PLXDC1: variants seen among roughly 807,000 people sequenced by gnomAD.
The protein encoded by PLXDC1 is plexin domain containing 1.
PLXDC1 carries 39 observed loss-of-function variants against 61.3 expected under a neutral mutation model. That is an observed-to-expected ratio of 0.64 (90% confidence interval 0.49 to 0.83). The LOEUF is 0.83. Ranked by LOEUF, PLXDC1 falls within the 40% of genes least tolerant of loss-of-function variation. The pLI is 0.00. For missense variants in PLXDC1, 596 were observed against 666.5 expected, an observed-to-expected ratio of 0.89 and a Z score of 1.17; for synonymous variants, 212 against 254.5, an observed-to-expected ratio of 0.83 and a Z score of 1.59.
intron 2 of PLXDC1, among the ~76,000 whole-genome samples, chr17:39,128,087 C>CTATGTA (rs1304464750): frequency 1.6e-4 from 11 of 67,248 alleles, no homozygotes; most frequent in African/African-American, 4.9e-4. Context: ...CTCTCTCTCT[C>CTATGTA]TCTCTATGTG....
Position 39,151,329 on chromosome 17 carries a change from C to A in PLXDC1, c.76+33G>T, listed in dbSNP as rs773277700. The A allele has an allele frequency of 1.6e-6, 2 of 1,264,978 alleles. No individual in the cohort carries two copies. The highest frequency in any genetic ancestry group is 2.9e-4 in the Middle Eastern group (1 of 3,452). The allele number at this position is 1,264,978 out of a possible 1,614,324, so 78.4% of individuals were successfully genotyped here. ...CTGACTGCCCGTCCCTCCCCGCCCC[C>A]GGCCCACCCGGGCCGGCTCCCGCCA... On this transcript the variant is annotated intron_variant, in intron 1 of 13. Transcript: ENST00000315392. The surrounding 1 kb of genome is among the most constrained non-coding windows in gnomAD (Gnocchi z 5.2).
At chr17:39,137,952 A>AT (rs934689994) in intron 2 of PLXDC1, among the ~76,000 whole-genome samples, 3 of 151,832 alleles carry the variant, frequency 2.0e-5, no homozygotes, top group Admixed American at 2.0e-4. Flanking sequence ...TTTCTTTTAT[A>AT]TTTTTTCGGA....
At chr17:39,129,620 G>A (rs1426549937) in intron 2 of PLXDC1, among the ~76,000 whole-genome samples, 1 of 135,228 alleles carries the variant, frequency 7.4e-6, no homozygotes, top group Non-Finnish European at 1.6e-5. Flanking sequence ...CTGTCAGAAA[G>A]AAAGAAAGAA....
rs200519422 is a variant in PLXDC1 at position 39,087,648 on chromosome 17, T to C, written c.866A>G (p.Lys289Arg). 2.0e-4 allele frequency: 315 copies of C among 1,614,020 alleles called. No homozygotes were observed. Among genetic ancestry groups the C allele is most frequent in the Non-Finnish European group, 2.5e-4 (294 of 1,180,010 alleles). The change falls in exon 8 of 14, where the codon AAG becomes AGG. Residue 289 changes from lysine to arginine, a missense_variant. Transcript: ENST00000315392. ...EYHRIELDPS[K>R]VTSMSAVEFT... ...CTCCACGGCCGACATGCTGGTGACC[T>C]TGCTGGGGTCCAGCTCTATGCGGTG...
chr17:39,113,707 TG>T (rs1268202643), intron 2 of PLXDC1, among the ~76,000 whole-genome samples: 2 of 151,924 alleles, frequency 1.3e-5, no homozygotes, highest in Non-Finnish European at 2.9e-5. Context: ...AACAATTCAC[TG>T]GGTATGGTGG....
chr17:39,091,803 T>TA (rs1399720306), intron 7 of PLXDC1, among the ~76,000 whole-genome samples: 26 of 151,612 alleles, frequency 1.7e-4, no homozygotes, highest in Non-Finnish European at 3.5e-4. Context: ...ACTAAAAATT[T>TA]AAAAAATTAG....
intron 2 of PLXDC1, among the ~76,000 whole-genome samples, chr17:39,118,084 C>CCCCT (rs1911041319): frequency 2.9e-5 from 3 of 101,810 alleles, no homozygotes; most frequent in African/African-American, 7.6e-5. Flanking sequence ...CTCCCTCCCT[C>CCCCT]CCTTCCTTCC....
chr17:39,141,422 A>G (rs1911930628), intron 1 of PLXDC1, among the ~76,000 whole-genome samples: 1 of 152,266 alleles, frequency 6.6e-6, no homozygotes. Flanking sequence ...TTCACTTAGC[A>G]TAATAAATTC....
intron 13 of PLXDC1, among the ~76,000 whole-genome samples, chr17:39,068,712 AC>A (rs1908994862): frequency 2.0e-5 from 3 of 152,314 alleles, no homozygotes; most frequent in African/African-American, 7.2e-5. Context: ...CCTGCCTTAG[AC>A]CTGCCCTATC....
At chr17:39,079,393 T>A (rs1381759834) in intron 9 of PLXDC1, 1 of 584,058 alleles carries the variant, frequency 1.7e-6, no homozygotes, top group Non-Finnish European at 3.2e-6. Context: ...CATCTGCCCA[T>A]GTGAGTAGGT....
At chr17:39,132,783 C>T (rs16497) in intron 2 of PLXDC1, among the ~76,000 whole-genome samples, 2,695 of 151,982 alleles carry the variant, frequency 0.018, 78 homozygotes, top group African/African-American at 0.062. Flanking sequence ...TACTGAGGAA[C>T]GATGGAGGAA....
At chr17:39,138,852 A>G (rs1464636152) in intron 2 of PLXDC1, among the ~76,000 whole-genome samples, 2 of 152,062 alleles carry the variant, frequency 1.3e-5, no homozygotes, top group Non-Finnish European at 2.9e-5. Flanking sequence ...CATCACTCCC[A>G]GCCGCAGGCA....
chr17:39,142,725 G>A (rs1375744669), intron 1 of PLXDC1, among the ~76,000 whole-genome samples: 1 of 152,102 alleles, frequency 6.6e-6, no homozygotes, highest in East Asian at 1.9e-4. Context: ...GTAGAGGCTG[G>A]GTTTCACCAT....
intron 2 of PLXDC1, chr17:39,112,933 G>C (rs1472691969): frequency 6.6e-6 from 1 of 152,122 alleles, no homozygotes; most frequent in Non-Finnish European, 1.5e-5. Flanking sequence ...TTTCAACTGT[G>C]TTACCCAAAA....
At chr17:39,088,093 G>A (rs942553362) in intron 7 of PLXDC1, among the ~76,000 whole-genome samples, 1 of 152,138 alleles carries the variant, frequency 6.6e-6, no homozygotes, top group African/African-American at 2.4e-5. Context: ...GCCCTCCTTG[G>A]CCAGCTCCCT....
At chr17:39,069,268 G>T (rs748263398) in intron 13 of PLXDC1, among the ~76,000 whole-genome samples, 1 of 152,050 alleles carries the variant, frequency 6.6e-6, no homozygotes, top group Non-Finnish European at 1.5e-5. Flanking sequence ...ACCACGCTGG[G>T]CTAATTTTTT....
intron 2 of PLXDC1, among the ~76,000 whole-genome samples, chr17:39,128,821 T>C (rs1911438837): frequency 6.7e-6 from 1 of 149,912 alleles, no homozygotes; most frequent in Admixed American, 6.6e-5. Flanking sequence ...CCAGCCTGGC[T>C]AACATGGTGA....
At chr17:39,129,711 G>GAAGGAAAGAAAGAAAGAAA (rs1249381083) in intron 2 of PLXDC1, among the ~76,000 whole-genome samples, 46 of 108,328 alleles carry the variant, frequency 4.2e-4, no homozygotes, top group East Asian at 5.9e-4. Flanking sequence ...AAAGAAAGAA[G>GAAGGAAAGAAAGAAAGAAA]GAAAGAAAGA....
intron 2 of PLXDC1, among the ~76,000 whole-genome samples, chr17:39,109,984 T>C (rs1451366955): frequency 1.3e-5 from 2 of 151,792 alleles, no homozygotes; most frequent in African/African-American, 4.8e-5. Flanking sequence ...CTTTACTAAA[T>C]ATACAAAAAT....
Sources: allele counts gnomAD v4.1 joint callset (sites outside exome capture counted in the v4.1 genomes callset), GRCh38; gene constraint gnomAD v4.1.1; non-coding constraint Gnocchi (gnomAD v3.1); transcripts MANE v1.5; gene names NCBI Gene and HGNC (gene_info 2026-07-23, HGNC 2026-07-21).